Variants in PTPN13 observed in about 807,000 individuals in gnomAD.
The protein encoded by PTPN13 is tyrosine-protein phosphatase non-receptor type 13.
PTPN13 carries 191 observed loss-of-function variants against 284.0 expected under a neutral mutation model. The ratio of observed to expected loss-of-function variants is 0.67; its 90% CI spans 0.60 to 0.76. The LOEUF is 0.76. PTPN13 is among the 30% of genes least tolerant of loss of function. The pLI is 0.00. For missense variants in PTPN13, 2,797 were observed against 2,939.9 expected (o/e 0.95, Z 1.12); for synonymous variants, 986 against 1,022.3 (o/e 0.96, Z 0.68).
intron 32 of PTPN13, 52 bp from the exon 33 acceptor site, chr4:86,774,321 G>A: frequency 1.3e-6 from 2 of 1,491,310 alleles, no homozygotes; most frequent in Non-Finnish European, 1.8e-6. Context: ...CTTTCTGTTT[G>A]TCTATAGTGC....
intron 6 of PTPN13, among the ~76,000 whole-genome samples, chr4:86,697,975 A>G (rs1293515133): frequency 6.6e-6 from 1 of 152,198 alleles, no homozygotes; most frequent in Non-Finnish European, 1.5e-5. Context: ...TTACCCAAGG[A>G]ATACAAATAT....
At chr4:86,788,296 A>T (rs1742223081) in intron 40 of PTPN13, among the ~76,000 whole-genome samples, 1 of 152,176 alleles carries the variant, frequency 6.6e-6, no homozygotes, top group South Asian at 2.1e-4. Flanking sequence ...TTCATCTTGT[A>T]TTTCTAGAAT....
intron 17 of PTPN13, among the ~76,000 whole-genome samples, chr4:86,747,881 T>G (rs1274286510): frequency 1.3e-5 from 2 of 152,192 alleles, no homozygotes; most frequent in African/African-American, 2.4e-5. Flanking sequence ...GTATGCTGCT[T>G]CTTTAGAGTC....
chr4:86,658,933 A>G (rs1726164045), intron 2 of PTPN13, among the ~76,000 whole-genome samples: 1 of 152,226 alleles, frequency 6.6e-6, no homozygotes, highest in East Asian at 1.9e-4. Context: ...AGAAAAAGGA[A>G]TTAGCTAAGA....
At chr4:86,602,948 C>G (rs1435333051) in intron 1 of PTPN13, among the ~76,000 whole-genome samples, 1 of 152,148 alleles carries the variant, frequency 6.6e-6, no homozygotes, top group Non-Finnish European at 1.5e-5. Flanking sequence ...ATCCTCCTGC[C>G]TCAGCCTCTT....
chr4:86,773,852 A>G (rs1740288679), intron 32 of PTPN13, among the ~76,000 whole-genome samples: 2 of 152,066 alleles, frequency 1.3e-5, no homozygotes, highest in Non-Finnish European at 1.5e-5. Flanking sequence ...CTCATTTGAA[A>G]TCTTTTAAAA....
chr4:86,690,933 G>C (rs1035099437), intron 5 of PTPN13, among the ~76,000 whole-genome samples: 2 of 151,906 alleles, frequency 1.3e-5, no homozygotes, highest in African/African-American at 4.8e-5. Flanking sequence ...TTTGATCTAG[G>C]AGCTCTTATC....
At chr4:86,752,048 T>C (rs1186040048) in intron 19 of PTPN13, among the ~76,000 whole-genome samples, 1 of 152,170 alleles carries the variant, frequency 6.6e-6, no homozygotes, top group Non-Finnish European at 1.5e-5. Context: ...CCTGTTGCCT[T>C]GTGCAACTTA....
Position 86,701,814 on chromosome 4 carries a change from G to C in PTPN13, c.1195+13G>C, listed in dbSNP as rs750615132. 1.9e-6 allele frequency: 3 copies of C among 1,561,460 alleles called. No individual in the cohort carries two copies. The South Asian group carries it at 3.6e-5, about 19-fold the overall frequency. ...ATGAATGTAGAAGGTTAGTAATTCT[G>C]TGCATGTTTGAGAAAGAATTGAAGT... is the stretch of plus-strand genomic sequence containing the variant. On this transcript the variant is annotated intron_variant, in intron 7 of 47. Coordinates refer to ENST00000411767, the MANE Select transcript of PTPN13 (RefSeq NM_080683.3).
chr4:86,675,459 A>G lies in PTPN13; in HGVS notation c.294+2916A>G, dbSNP rs533101385. 3.1e-4 allele frequency among the ~76,000 whole-genome samples: 47 copies of G among 152,290 alleles called. 1 individual carries two copies. Among genetic ancestry groups the G allele is most frequent in the African/African-American group, 1.1e-3 (45 of 41,556 alleles). On this transcript the variant is annotated intron_variant, in intron 3 of 47. Coordinates refer to ENST00000411767, the MANE Select transcript of PTPN13 (RefSeq NM_080683.3). Reference sequence around the variant, plus strand: ...GTAGCTGCACTTAATTACTTTCATGAGTTAAGAATATGCTATTAACTAGCA... The same window carrying G: ...GTAGCTGCACTTAATTACTTTCATGGGTTAAGAATATGCTATTAACTAGCA...
chr4:86,749,991 ACTGT>A (rs547323178), intron 17 of PTPN13, among the ~76,000 whole-genome samples: 1 of 152,186 alleles, frequency 6.6e-6, no homozygotes, highest in Non-Finnish European at 1.5e-5. Context: ...AGCTTTAAAA[ACTGT>A]CTGGGCAAAA....
chr4:86,711,190 T>C (rs1305835285), intron 7 of PTPN13, among the ~76,000 whole-genome samples: 3 of 143,910 alleles, frequency 2.1e-5, no homozygotes, highest in African/African-American at 7.8e-5. Flanking sequence ...CAAGGAAATA[T>C]AAAATGGCCT....
In PTPN13 at chr4:86,762,881, T is replaced by G; in HGVS notation, c.3708T>G (p.Ser1236=). 1 of 1,613,838 alleles carries G rather than the reference T, an allele frequency of 6.2e-7. No individual in the cohort carries two copies. ...RHISENSFGP[S]GGLREGSLSS... is the part of the protein sequence containing the mutation. The stretch of plus-strand genomic sequence containing the variant: ...TCTCGGAGAACTCCTTTGGGCCATC[T>G]GGGGGCCTGCGGGAAGGAAGCCTGA... Residue 1236 remains serine (S), a synonymous_variant, in exon 24 of 48, where the codon TCT becomes TCG. Transcript: ENST00000411767.
At chr4:86,729,892 G>A (rs975284512) in intron 10 of PTPN13, among the ~76,000 whole-genome samples, 1 of 149,738 alleles carries the variant, frequency 6.7e-6, no homozygotes, top group African/African-American at 2.4e-5. Context: ...TGCTGGTGAG[G>A]AGCTGCAGTC....
intron 10 of PTPN13, among the ~76,000 whole-genome samples, chr4:86,723,385 T>G (rs983304836): frequency 6.6e-6 from 1 of 152,176 alleles, no homozygotes; most frequent in African/African-American, 2.4e-5. Context: ...ATGAACCCTG[T>G]TGTGAACTGC....
chr4:86,622,310 G>A (rs945690565), intron 1 of PTPN13, among the ~76,000 whole-genome samples: 1 of 152,034 alleles, frequency 6.6e-6, no homozygotes, highest in African/African-American at 2.4e-5. Flanking sequence ...TTTAATAAAG[G>A]CTAATTCTTT....
At chr4:86,647,544 A>C (rs1271890567) in intron 2 of PTPN13, among the ~76,000 whole-genome samples, 1 of 151,794 alleles carries the variant, frequency 6.6e-6, no homozygotes, top group African/African-American at 2.4e-5. Flanking sequence ...AAATGAGAAA[A>C]ATTTTAAAAA....
chr4:86,662,073 G>A (rs963131497), intron 2 of PTPN13, among the ~76,000 whole-genome samples: 1 of 152,252 alleles, frequency 6.6e-6, no homozygotes, highest in Middle Eastern at 3.4e-3. Context: ...TATCTCTGTT[G>A]TAGTTTATTT....
intron 1 of PTPN13, among the ~76,000 whole-genome samples, chr4:86,609,896 G>T (rs1765112411): frequency 6.6e-6 from 1 of 152,138 alleles, no homozygotes; most frequent in African/African-American, 2.4e-5. Flanking sequence ...GAGCATTGGT[G>T]TGCAAAGAAG....
Sources: gnomAD v4.1 joint callset for allele counts (sites outside exome capture counted in the v4.1 genomes callset) on GRCh38, gnomAD v4.1.1 for gene constraint, MANE v1.5 for transcripts, NCBI Gene and HGNC (gene_info 2026-07-23, HGNC 2026-07-21) for gene names.